Variants in RNF180 observed in about 807,000 individuals in gnomAD.
RNF180 encodes the protein E3 ubiquitin-protein ligase RNF180.
A neutral mutation model predicts 59.2 loss-of-function variants in RNF180; 38 were observed. That is an observed-to-expected ratio of 0.64 (90% CI 0.50 to 0.84). The LOEUF (loss-of-function observed/expected upper bound fraction) is 0.84. Ranked by LOEUF, RNF180 falls within the 40% of genes least tolerant of loss-of-function variation. RNF180 has a pLI of 0.00. For missense variants in RNF180, 705 were observed against 700.9 expected, an observed-to-expected ratio of 1.01 and a Z score of -0.07; for synonymous variants, 262 against 240.3, an observed-to-expected ratio of 1.09 and a Z score of -0.84.
At chr5:64,263,999 C>G (rs1350874945) in intron 5 of RNF180, among the ~76,000 whole-genome samples, 2 of 152,048 alleles carry the variant, frequency 1.3e-5, no homozygotes. Context: ...TTCTACTGGC[C>G]TTTTACCTAG....
chr5:64,324,081 TAAA>T (rs1267806374), intron 5 of RNF180, among the ~76,000 whole-genome samples: 1 of 152,160 alleles, frequency 6.6e-6, no homozygotes, highest in Non-Finnish European at 1.5e-5. Flanking sequence ...TTGATATAAA[TAAA>T]GAGTTCAATT....
chr5:64,285,408 G>T (rs758670012), intron 5 of RNF180, among the ~76,000 whole-genome samples: 1 of 151,972 alleles, frequency 6.6e-6, no homozygotes, highest in Non-Finnish European at 1.5e-5. Context: ...GCCAGCGGGG[G>T]AGAGGAGGCA....
intron 5 of RNF180, among the ~76,000 whole-genome samples, chr5:64,261,041 C>T (rs145156996): frequency 6.6e-6 from 1 of 151,726 alleles, no homozygotes; most frequent in Non-Finnish European, 1.5e-5. Flanking sequence ...AGGAAAAAAC[C>T]TAAAGAAGAT....
At chr5:64,238,943 C>T (rs1742613566) in intron 5 of RNF180, among the ~76,000 whole-genome samples, 1 of 152,080 alleles carries the variant, frequency 6.6e-6, no homozygotes, top group Non-Finnish European at 1.5e-5. Context: ...TCAATAATCT[C>T]ATTTCATCAC....
chr5:64,198,510 A>C (rs1751567463), intron 1 of RNF180, among the ~76,000 whole-genome samples: 1 of 152,246 alleles, frequency 6.6e-6, no homozygotes, highest in South Asian at 2.1e-4. Context: ...GACTTAAAAC[A>C]ATCTCCTACA....
chr5:64,223,271 G>A (rs991392455), intron 5 of RNF180, among the ~76,000 whole-genome samples: 1 of 152,038 alleles, frequency 6.6e-6, no homozygotes, highest in African/African-American at 2.4e-5. Context: ...GACCCTTTAA[G>A]GACCCTTGTG....
chr5:64,166,296 T>G (rs1393519705), intron 1 of RNF180: 1 of 152,638 alleles, frequency 6.6e-6, no homozygotes, highest in African/African-American at 2.4e-5. Flanking sequence ...GTGGGGTGGG[T>G]GCCAGGGGTC....
At chr5:64,293,344 G>A (rs1742709760) in intron 5 of RNF180, among the ~76,000 whole-genome samples, 1 of 152,046 alleles carries the variant, frequency 6.6e-6, no homozygotes, top group South Asian at 2.1e-4. Context: ...TATTTCAGTT[G>A]AAGGTGAAGA....
At position 64,213,678 on chromosome 5, in the gene RNF180, A is replaced by G. The variant is rs1329689879; in HGVS notation, c.352A>G (p.Ser118Gly). 1 of 1,614,162 alleles carries G rather than the reference A, an allele frequency of 6.2e-7. No homozygotes were observed. The highest frequency in any genetic ancestry group is 2.2e-5 in the East Asian group (1 of 44,880). ...GCTTGCAGCTGTACATCTCTCCAAG[A>G]GCCGGACTGATTATCAGCCAACACA... The part of the protein sequence containing the change: ...GQLAAVHLSK[S>G]RTDYQPTQAG... The change falls in exon 4 of 8, where the codon AGC becomes GGC. Residue 118 changes from serine (S) to glycine (G), a missense_variant. Ser to Gly is a moderately conservative substitution (Grantham distance 56, BLOSUM62 0). Coordinates refer to ENST00000389100, the MANE Select transcript of RNF180 (RefSeq NM_001113561.2).
intron 5 of RNF180, among the ~76,000 whole-genome samples, chr5:64,317,899 A>C (rs75579340): frequency 6.6e-6 from 1 of 152,194 alleles, no homozygotes; most frequent in Middle Eastern, 3.2e-3. Flanking sequence ...GAACGTTTCC[A>C]TTAGTACATT....
At chr5:64,335,195 T>C (rs879349192) in intron 7 of RNF180, among the ~76,000 whole-genome samples, 10 of 152,190 alleles carry the variant, frequency 6.6e-5, no homozygotes, top group Non-Finnish European at 1.5e-4. Context: ...TTCTGTTGGT[T>C]GTATTTTTTT....
At chr5:64,179,419 T>A (rs1488889046) in intron 1 of RNF180, among the ~76,000 whole-genome samples, 1 of 146,396 alleles carries the variant, frequency 6.8e-6, no homozygotes, top group Non-Finnish European at 1.5e-5. Context: ...TTCCTGTGCA[T>A]GTTCTTATGC....
At chr5:64,326,674 G>T (rs6871546) in intron 6 of RNF180, among the ~76,000 whole-genome samples, 2,101 of 152,164 alleles carry the variant, frequency 0.014, 47 homozygotes, top group African/African-American at 0.048. Context: ...AATCCCGCTT[G>T]GTCATAGTGT....
intron 7 of RNF180, among the ~76,000 whole-genome samples, chr5:64,353,036 T>C (rs1208317893): frequency 2.0e-5 from 3 of 151,874 alleles, no homozygotes; most frequent in African/African-American, 7.2e-5. Flanking sequence ...ATGTATTTCC[T>C]GACAAAATAT....
intron 5 of RNF180, among the ~76,000 whole-genome samples, chr5:64,280,001 G>A (rs1386294653): frequency 6.6e-6 from 1 of 152,166 alleles, no homozygotes; most frequent in East Asian, 1.9e-4. Context: ...GCTGAGGCAG[G>A]AGAATCACTT....
chr5:64,171,337 C>T (rs1749922917), intron 1 of RNF180, among the ~76,000 whole-genome samples: 1 of 152,174 alleles, frequency 6.6e-6, no homozygotes, highest in Non-Finnish European at 1.5e-5. Context: ...AAATGGCATT[C>T]AGTATATACC....
chr5:64,289,226 T>A (rs1454514144), intron 5 of RNF180, among the ~76,000 whole-genome samples: 1 of 152,190 alleles, frequency 6.6e-6, no homozygotes, highest in East Asian at 1.9e-4. Context: ...CACCCAAGAA[T>A]CCTAGGGATA....
chr5:64,263,810 G>C (rs537875089), intron 5 of RNF180, among the ~76,000 whole-genome samples: 34 of 152,092 alleles, frequency 2.2e-4, no homozygotes, highest in African/African-American at 6.7e-4. Context: ...AGTTACTTTA[G>C]TTACATCACA....
Position 64,212,111 on chromosome 5 carries a change from A to G in RNF180, c.182A>G (p.His61Arg), listed in dbSNP as rs1482479293. The stretch of plus-strand genomic sequence containing the variant: ...GCTCAAAATATTTGTCATGTGTGGC[A>G]CATGAATGTAGAAGCCCTTCCAGAA... ...VDAQNICHVWHMNVEALPEWI... is the reference protein window; with the variant it reads ...VDAQNICHVWRMNVEALPEWI... The change falls in exon 3 of 8, where the codon CAC (histidine) becomes CGC (arginine). Residue 61 changes from histidine to arginine, a missense_variant. Coordinates refer to ENST00000389100, the MANE Select transcript of RNF180 (RefSeq NM_001113561.2). 6.2e-6 allele frequency: 10 copies of G among 1,608,740 alleles called. No homozygotes were observed. Among genetic ancestry groups the G allele is most frequent in the Non-Finnish European group, 8.5e-6 (10 of 1,175,276 alleles).
Sources: allele counts gnomAD v4.1 joint callset (sites outside exome capture counted in the v4.1 genomes callset), GRCh38; gene constraint gnomAD v4.1.1; transcripts MANE v1.5; gene names NCBI Gene and HGNC (gene_info 2026-07-23, HGNC 2026-07-21).